Variants in UGDH observed in about 807,000 individuals in gnomAD.
UGDH encodes UDP-glucose 6-dehydrogenase.
UGDH carries 38 observed loss-of-function variants against 50.6 expected under a neutral mutation model. That is an observed-to-expected ratio of 0.75 (90% CI 0.58 to 0.98). The LOEUF (loss-of-function observed/expected upper bound fraction) is 0.98, where lower values mean the gene tolerates loss of function less well. UGDH is among the 50% of genes least tolerant of loss of function. The pLI is 0.00. For synonymous variants in UGDH, 168 were observed against 199.9 expected (o/e 0.84, Z 1.35); for missense variants, 465 against 606.2 (o/e 0.77, Z 2.45).
chr4:39,501,688 T>G (rs1341697267), intron 11 of UGDH, among the ~76,000 whole-genome samples: 1 of 152,216 alleles, frequency 6.6e-6, no homozygotes, highest in Non-Finnish European at 1.5e-5. Flanking sequence ...TTGTAAATTG[T>G]GTTACCACCA....
intron 2 of UGDH, among the ~76,000 whole-genome samples, chr4:39,518,343 A>T (rs1258628206): frequency 4.0e-5 from 6 of 151,338 alleles, no homozygotes; most frequent in Admixed American, 4.0e-4. Context: ...ATCACAGACT[A>T]ATAGTTTTTT....
chr4:39,504,368 T>G lies in UGDH; in HGVS notation c.1263+49A>C, dbSNP rs556234659. The G allele has an allele frequency of 5.2e-6, 8 of 1,544,080 alleles. No individual in the cohort carries two copies. The Admixed American group carries it at 1.2e-4, about 23-fold the overall frequency. On this transcript the variant is annotated intron_variant, in intron 10 of 11. Coordinates refer to ENST00000316423, the MANE Select transcript of UGDH (RefSeq NM_003359.4). Reference sequence around the variant, plus strand: ...TGAACACATACTCAACCCCAGCTGATAGTGGAACACCTCTAGAATTTTCCT... The same window carrying G: ...TGAACACATACTCAACCCCAGCTGAGAGTGGAACACCTCTAGAATTTTCCT...
intron 2 of UGDH, among the ~76,000 whole-genome samples, chr4:39,520,130 G>A (rs1746589718): frequency 6.6e-6 from 1 of 152,176 alleles, no homozygotes; most frequent in African/African-American, 2.4e-5. Flanking sequence ...CCTGAGGTCA[G>A]GAGTTCAAGA....
In UGDH at chr4:39,509,873, CT is replaced by C; in HGVS notation, c.697del (p.Ser233AlafsTer5). ...ANAFLAQRIS[S>X]INSISALCEA... ...ACACAGAGCACTTATGGAGTTAATG[CT>C]GCTTATTCTCTGGGCAAGAAAAGCA... On this transcript the variant is annotated frameshift_variant, in exon 6 of 12. Transcript: ENST00000316423. LOFTEE classifies it high-confidence loss of function. 1 of 1,603,884 alleles carries C rather than the reference CT, an allele frequency of 6.2e-7. No individual in the cohort carries two copies. The highest frequency in any genetic ancestry group is 8.5e-7 in the Non-Finnish European group (1 of 1,177,730).
intron 2 of UGDH, among the ~76,000 whole-genome samples, chr4:39,520,389 A>G (rs1357298110): frequency 1.3e-5 from 2 of 152,186 alleles, no homozygotes. Flanking sequence ...AAATATAAAC[A>G]TATTAATGTT....
At chr4:39,516,520 G>A (rs1415128462) in intron 2 of UGDH, among the ~76,000 whole-genome samples, 2 of 152,122 alleles carry the variant, frequency 1.3e-5, no homozygotes, top group Non-Finnish European at 2.9e-5. Flanking sequence ...ACTCTTAGGG[G>A]AGAAACTTCA....
chr4:39,514,988 AT>A (rs1388407778), intron 2 of UGDH, among the ~76,000 whole-genome samples: 1 of 143,464 alleles, frequency 7.0e-6, no homozygotes, highest in Non-Finnish European at 1.5e-5. Flanking sequence ...GGCCTATTTT[AT>A]TTTTTCATAC....
In UGDH at chr4:39,521,515, T is replaced by C. The variant is rs750345770; in HGVS notation, c.-3A>G. 6 of 1,590,644 alleles carry C rather than the reference T, an allele frequency of 3.8e-6. No homozygotes were observed. In the African/African-American group the frequency reaches 5.4e-5, roughly 14 times the overall value. On this transcript the variant is annotated 5_prime_UTR_variant, in exon 2 of 12. Coordinates refer to ENST00000316423, the MANE Select transcript of UGDH (RefSeq NM_003359.4). ...CAGATCTTCTTAATTTCAAACATGA[T>C]TGTACTAGAAGGAAAACAGTAAGAC...
rs11284301 is a variant in UGDH, at chr4:39,500,653, CTTTT to C, written c.1375-404_1375-401del. Among the ~76,000 whole-genome samples the C allele has an allele frequency of 6.8e-3, 916 of 135,236 alleles. 4 individuals carry two copies. The highest frequency in any genetic ancestry group is 0.01 in the Non-Finnish European group (655 of 63,140). The allele number at this position is 135,236 out of a possible 152,430, so 88.7% of individuals were successfully genotyped here. ...CTGCAAAAGCTAACAGCATAATTCT[CTTTT>C]TTTTTTTTTTTTTTCTTGAGATGGA... On this transcript the variant is annotated intron_variant, in intron 11 of 11. Coordinates refer to ENST00000316423, the MANE Select transcript of UGDH (RefSeq NM_003359.4).
At chr4:39,512,381 T>C (rs1457623248) in intron 3 of UGDH, among the ~76,000 whole-genome samples, 8 of 152,178 alleles carry the variant, frequency 5.3e-5, no homozygotes, top group Non-Finnish European at 1.2e-4. Flanking sequence ...AAAAGTTGTT[T>C]ACATGCATGG....
In UGDH at chr4:39,527,302, G is replaced by A. The variant is rs1169478995; in HGVS notation, c.-27C>T. Reference sequence around the variant, plus strand: ...GCTTACCCACTTCCCAGCAGCAAGCGCAGGGACCGCTCCTATCCCGATCGT... The same window carrying A: ...GCTTACCCACTTCCCAGCAGCAAGCACAGGGACCGCTCCTATCCCGATCGT... On this transcript the variant is annotated 5_prime_UTR_variant, in exon 1 of 12. Transcript: ENST00000316423. 3 of 369,152 alleles carry A rather than the reference G, an allele frequency of 8.1e-6. No homozygotes were observed. In the East Asian group the frequency reaches 2.2e-4, roughly 27 times the overall value. 22.9% of individuals were successfully genotyped at this position (369,152 alleles called of 1,614,324 possible).
chr4:39,508,734 T>C, intron 6 of UGDH, 74 bp from the exon 7 acceptor site: 4 of 1,286,390 alleles, frequency 3.1e-6, no homozygotes, highest in Middle Eastern at 1.9e-4. Context: ...AATTTCTTTA[T>C]ACTAAATCAG....
At chr4:39,523,472 C>A (rs901169015) in intron 1 of UGDH, among the ~76,000 whole-genome samples, 1 of 152,052 alleles carries the variant, frequency 6.6e-6, no homozygotes, top group African/African-American at 2.4e-5. Flanking sequence ...AATCTGTATT[C>A]AAATAGTATT....
chr4:39,500,064 C>T lies in UGDH; in HGVS notation c.*79G>A, dbSNP rs1231734839. The T allele has an allele frequency of 3.7e-6, 3 of 812,382 alleles. No individual in the cohort carries two copies. The highest frequency in any genetic ancestry group is 3.9e-6 in the Non-Finnish European group (2 of 518,394). 50.3% of individuals were successfully genotyped at this position (812,382 alleles called of 1,614,324 possible). A position where few individuals can be genotyped will look rare whatever the true frequency, so the allele number is the denominator to read the frequency against. ...AAAAAAAAACACTTGGTTCATTTACCATTTAATAGCAGATAGATATTTGCT... is the reference window on the plus strand; with the variant it reads ...AAAAAAAAACACTTGGTTCATTTACTATTTAATAGCAGATAGATATTTGCT... On this transcript the variant is annotated 3_prime_UTR_variant, in exon 12 of 12. Transcript: ENST00000316423.
At chr4:39,517,117 G>T (rs539354162) in intron 2 of UGDH, among the ~76,000 whole-genome samples, 1 of 151,624 alleles carries the variant, frequency 6.6e-6, no homozygotes, top group Non-Finnish European at 1.5e-5. Context: ...CTTTCACAGG[G>T]TAAAATTATC....
intron 3 of UGDH, 45 bp from the exon 4 acceptor site, chr4:39,510,906 G>C: frequency 1.3e-6 from 2 of 1,598,096 alleles, no homozygotes; most frequent in African/African-American, 1.3e-5. Context: ...CTGTGAGATA[G>C]GGATTTCAAG....
At chr4:39,523,553 C>T (rs1360671056) in intron 1 of UGDH, among the ~76,000 whole-genome samples, 1 of 151,728 alleles carries the variant, frequency 6.6e-6, no homozygotes, top group East Asian at 1.9e-4. Flanking sequence ...GCCTGTAATC[C>T]CAGCACTTCG....
chr4:39,516,606 T>C lies in UGDH; in HGVS notation c.163-2422A>G, dbSNP rs188454982. Among the ~76,000 whole-genome samples, 8 of 152,318 alleles carry C rather than the reference T, an allele frequency of 5.3e-5. No homozygotes were observed. The East Asian group carries it at 1.5e-3, about 29-fold the overall frequency. On this transcript the variant is annotated intron_variant, in intron 2 of 11. Transcript: ENST00000316423. ...CAAAGTGAAAGCCCTTCAGGGGCCA[T>C]AGGTCTGGCATTACATATAGAGGCA...
chr4:39,500,085 T>A lies in UGDH; in HGVS notation c.*58A>T, dbSNP rs1021582678. 2.0e-6 allele frequency: 2 copies of A among 1,021,760 alleles called. No homozygotes were observed. Among genetic ancestry groups the A allele is most frequent in the Admixed American group, 4.8e-5 (2 of 41,418 alleles). 63.3% of individuals were successfully genotyped at this position (1,021,760 alleles called of 1,614,324 possible). A position where few individuals can be genotyped will look rare whatever the true frequency, so the allele number is the denominator to read the frequency against. On this transcript the variant is annotated 3_prime_UTR_variant, in exon 12 of 12. Transcript: ENST00000316423. ...TTACCATTTAATAGCAGATAGATATTTGCTATCCTGAAGTACCAAAAAAAA... is the reference window on the plus strand; with the variant it reads ...TTACCATTTAATAGCAGATAGATATATGCTATCCTGAAGTACCAAAAAAAA...
Sources: gnomAD v4.1 joint callset for allele counts (sites outside exome capture counted in the v4.1 genomes callset) on GRCh38, gnomAD v4.1.1 for gene constraint, MANE v1.5 for transcripts, NCBI Gene and HGNC (gene_info 2026-07-23, HGNC 2026-07-21) for gene names.